ARFGEF3: variants seen among roughly 807,000 people sequenced by gnomAD.
ARFGEF3 encodes ARFGEF family member 3, also known as brefeldin A-inhibited guanine nucleotide-exchange protein 3.
In ARFGEF3, 96 loss-of-function variants were observed where a neutral mutation model predicts 221.7. The observed-to-expected ratio is 0.43, with a 90% CI of 0.37 to 0.51. ARFGEF3 has a LOEUF of 0.51. Ranked by LOEUF, ARFGEF3 falls within the 20% of genes least tolerant of loss-of-function variation. ARFGEF3 has a pLI of 0.00. For synonymous variants in ARFGEF3, 1,145 were observed against 1,126.8 expected (o/e 1.02, Z -0.32); for missense variants, 2,410 against 2,789.9 (o/e 0.86, Z 3.07).
chr6:138,229,430 A>G (rs1294617496), intron 4 of ARFGEF3, among the ~76,000 whole-genome samples: 2 of 152,228 alleles, frequency 1.3e-5, no homozygotes, highest in Non-Finnish European at 2.9e-5. Context: ...TGAAGTGCCT[A>G]GCATTAAGCC....
At chr6:138,287,002 A>AGGG (rs1779309833) in intron 16 of ARFGEF3, 72 bp from the exon 17 acceptor site, 1 of 1,570,056 alleles carries the variant, frequency 6.4e-7, no homozygotes, top group Admixed American at 1.9e-5. Flanking sequence ...GGGACCCTTT[A>AGGG]GAAGGGGTTC....
chr6:138,162,052 C>T lies in ARFGEF3; in HGVS notation c.-35C>T, dbSNP rs375058495. On this transcript the variant is annotated 5_prime_UTR_variant, in exon 1 of 34. Coordinates refer to ENST00000251691, the MANE Select transcript of ARFGEF3 (RefSeq NM_020340.5). The surrounding 1 kb of genome is among the most constrained non-coding windows in gnomAD (Gnocchi z 4.7). ...GGCCCGGCTCGCCCGCGCTTCTCTC[C>T]CTGTGGGCGGCGGCCCGGCGCCTGG... 15 of 1,527,464 alleles carry T rather than the reference C, an allele frequency of 9.8e-6. No homozygotes were observed. Among genetic ancestry groups the T allele is most frequent in the East Asian group, 2.6e-5 (1 of 37,790 alleles). 94.6% of individuals were successfully genotyped at this position (1,527,464 alleles called of 1,614,324 possible).
chr6:138,298,077 G>T (rs1048485251), intron 21 of ARFGEF3, among the ~76,000 whole-genome samples: 1 of 152,164 alleles, frequency 6.6e-6, no homozygotes, highest in African/African-American at 2.4e-5. Flanking sequence ...CATGATGTTT[G>T]CTTGTGTTCC....
chr6:138,215,856 G>GTA (rs1282936943), intron 4 of ARFGEF3: 4 of 128,780 alleles, frequency 3.1e-5, no homozygotes, highest in African/African-American at 1.3e-4. Context: ...GTGTGTGTGT[G>GTA]TGTGTGTGTG....
In ARFGEF3 at chr6:138,333,694, G is replaced by A. The variant is rs183993386; in HGVS notation, c.5124-276G>A. On this transcript the variant is annotated intron_variant, in intron 32 of 33. Coordinates refer to ENST00000251691, the MANE Select transcript of ARFGEF3 (RefSeq NM_020340.5). ...CCTGACCTCGTGATCCGCCCACCTC[G>A]GCCTTCCAAAGTGCTGGGATTACAG... is the stretch of plus-strand genomic sequence containing the variant. Among the ~76,000 whole-genome samples the A allele has an allele frequency of 4.6e-5, 7 of 152,154 alleles. No homozygotes were observed. The East Asian group carries it at 7.8e-4, about 17-fold the overall frequency.
At chr6:138,179,631 A>G (rs544050863) in intron 2 of ARFGEF3, among the ~76,000 whole-genome samples, 1 of 152,290 alleles carries the variant, frequency 6.6e-6, no homozygotes, top group African/African-American at 2.4e-5. Context: ...TTTTTCATGC[A>G]GGGTGTGAGC....
chr6:138,180,947 T>G (rs1351135890), intron 2 of ARFGEF3, among the ~76,000 whole-genome samples: 1 of 152,232 alleles, frequency 6.6e-6, no homozygotes, highest in Non-Finnish European at 1.5e-5. Flanking sequence ...TTCCTTTCCC[T>G]GCTGCCATAG....
intron 5 of ARFGEF3, among the ~76,000 whole-genome samples, chr6:138,231,461 T>C (rs891515010): frequency 5.1e-4 from 77 of 152,182 alleles, no homozygotes; most frequent in Non-Finnish European, 1.8e-4. Flanking sequence ...CGGATACCTG[T>C]CCCAGCCTCA....
chr6:138,275,773 A>T (rs999815896), intron 12 of ARFGEF3, among the ~76,000 whole-genome samples: 2 of 152,082 alleles, frequency 1.3e-5, no homozygotes, highest in Non-Finnish European at 2.9e-5. Context: ...ATTCACAGGG[A>T]CAACATCACT....
intron 4 of ARFGEF3, among the ~76,000 whole-genome samples, chr6:138,213,521 C>T (rs183515069): frequency 2.5e-4 from 38 of 151,498 alleles, no homozygotes; most frequent in African/African-American, 9.2e-4. Flanking sequence ...ATTTATTCCT[C>T]CAACTTAACT....
chr6:138,250,416 TC>T (rs1778558460), intron 8 of ARFGEF3, among the ~76,000 whole-genome samples: 1 of 152,194 alleles, frequency 6.6e-6, no homozygotes, highest in Non-Finnish European at 1.5e-5. Flanking sequence ...TTCTCTCTCC[TC>T]CTAGAACAGA....
At position 138,238,639 on chromosome 6, in the gene ARFGEF3, T is replaced by G. The variant is rs1276290975; in HGVS notation, c.543+8T>G. Reference sequence around the variant, plus strand: ...CAGAGGCAGGAGAATACGGTGAGTCTGTGACACCCCCATGTTCATCACCTT... The same window carrying G: ...CAGAGGCAGGAGAATACGGTGAGTCGGTGACACCCCCATGTTCATCACCTT... On this transcript the variant is annotated splice_region_variant and intron_variant, in intron 6 of 33. Coordinates refer to ENST00000251691, the MANE Select transcript of ARFGEF3 (RefSeq NM_020340.5). 6 of 1,612,756 alleles carry G rather than the reference T, an allele frequency of 3.7e-6. No individual in the cohort carries two copies. Among genetic ancestry groups the G allele is most frequent in the Non-Finnish European group, 5.1e-6 (6 of 1,179,334 alleles).
At chr6:138,185,159 G>A (rs1261054377) in intron 2 of ARFGEF3, among the ~76,000 whole-genome samples, 2 of 152,198 alleles carry the variant, frequency 1.3e-5, no homozygotes, top group Non-Finnish European at 1.5e-5. Flanking sequence ...TCAGTCTTGT[G>A]AAAGTGAAGT....
chr6:138,299,741 G>A (rs766650837), intron 22 of ARFGEF3, among the ~76,000 whole-genome samples: 3 of 152,126 alleles, frequency 2.0e-5, no homozygotes, highest in Admixed American at 6.5e-5. Flanking sequence ...AAATCTCAAC[G>A]CAAACTTTAC....
At chr6:138,218,656 T>A (rs1309357746) in intron 4 of ARFGEF3, among the ~76,000 whole-genome samples, 1 of 152,210 alleles carries the variant, frequency 6.6e-6, no homozygotes, top group Non-Finnish European at 1.5e-5. Context: ...TGTAGCCCTT[T>A]AACAACCCTA....
At chr6:138,206,544 T>A (rs1248712747) in intron 2 of ARFGEF3, among the ~76,000 whole-genome samples, 1 of 151,894 alleles carries the variant, frequency 6.6e-6, no homozygotes, top group Non-Finnish European at 1.5e-5. Flanking sequence ...ATTCTTTGAG[T>A]TGAGGAGGAA....
chr6:138,329,365 G>C (rs1330909868), intron 32 of ARFGEF3, among the ~76,000 whole-genome samples: 1 of 152,114 alleles, frequency 6.6e-6, no homozygotes, highest in Non-Finnish European at 1.5e-5. Flanking sequence ...GGTGGAGTCA[G>C]AATCAAAACT....
At chr6:138,178,398 A>G (rs1776998012) in intron 2 of ARFGEF3, among the ~76,000 whole-genome samples, 1 of 152,190 alleles carries the variant, frequency 6.6e-6, no homozygotes, top group Non-Finnish European at 1.5e-5. Context: ...AAAATTGCCC[A>G]GTGTGTGTCT....
At chr6:138,316,886 C>G (rs774067152) in intron 26 of ARFGEF3, among the ~76,000 whole-genome samples, 4 of 152,188 alleles carry the variant, frequency 2.6e-5, no homozygotes, top group Non-Finnish European at 4.4e-5. Flanking sequence ...ATATTTACCA[C>G]AATAAAATCA....
Sources: allele counts gnomAD v4.1 joint callset (sites outside exome capture counted in the v4.1 genomes callset), GRCh38; gene constraint gnomAD v4.1.1; non-coding constraint Gnocchi (gnomAD v3.1); transcripts MANE v1.5; gene names NCBI Gene and HGNC (gene_info 2026-07-23, HGNC 2026-07-21).